The following KIF2A variants were observed in gnomAD, a reference collection of about 807,000 sequenced individuals.
KIF2A encodes kinesin-like protein KIF2A.
A neutral mutation model predicts 100.2 loss-of-function variants in KIF2A; 22 were observed. The ratio of observed to expected loss-of-function variants is 0.22; its 90% confidence interval spans 0.16 to 0.31. The LOEUF (loss-of-function observed/expected upper bound fraction) is 0.31. KIF2A is among the 10% of genes least tolerant of loss of function. The pLI is 1.00. For missense variants in KIF2A, 495 were observed against 898.7 expected (o/e 0.55, Z 5.74); for synonymous variants, 268 against 285.9 (o/e 0.94, Z 0.63).
chr5:62,344,134 A>G (rs1943555203), intron 1 of KIF2A, among the ~76,000 whole-genome samples: 1 of 152,084 alleles, frequency 6.6e-6, no homozygotes, highest in Admixed American at 6.6e-5. Context: ...TCATGAAGTC[A>G]AGAGATGGAG....
chr5:62,323,171 G>A (rs1191971501), intron 1 of KIF2A, among the ~76,000 whole-genome samples: 1 of 151,134 alleles, frequency 6.6e-6, no homozygotes, highest in Non-Finnish European at 1.5e-5. Flanking sequence ...CAGGATAATC[G>A]CTTGAACCCG....
chr5:62,306,331 C>G lies in KIF2A; in HGVS notation c.-142C>G. ...CTTCCCCACAGCTGCTCCTTGCGGCCCCGCTTGCGTTCACGCTGTCGCCCG... is the reference window on the plus strand; with the variant it reads ...CTTCCCCACAGCTGCTCCTTGCGGCGCCGCTTGCGTTCACGCTGTCGCCCG... On this transcript the variant is annotated 5_prime_UTR_variant, in exon 1 of 21. Coordinates refer to ENST00000407818, the MANE Select transcript of KIF2A (RefSeq NM_001098511.3). 3.0e-6 allele frequency: 2 copies of G among 675,552 alleles called. No individual in the cohort carries two copies. The highest frequency in any genetic ancestry group is 5.1e-6 in the Non-Finnish European group (2 of 389,056). The allele number at this position is 675,552 out of a possible 1,614,324, so 41.8% of individuals were successfully genotyped here.
At chr5:62,336,381 T>G (rs1746947380) in intron 1 of KIF2A, among the ~76,000 whole-genome samples, 1 of 152,224 alleles carries the variant, frequency 6.6e-6, no homozygotes. Flanking sequence ...AGTACAGTTA[T>G]GGTAGAAATA....
intron 14 of KIF2A, 50 bp from the exon 15 acceptor site, chr5:62,365,193 A>T: frequency 1.1e-6 from 1 of 905,582 alleles, no homozygotes; most frequent in Non-Finnish European, 1.7e-6. Flanking sequence ...AATTAAGATT[A>T]TCCTTTATAA....
At chr5:62,342,601 C>G (rs1747352008) in intron 1 of KIF2A, among the ~76,000 whole-genome samples, 1 of 152,150 alleles carries the variant, frequency 6.6e-6, no homozygotes, top group Non-Finnish European at 1.5e-5. Flanking sequence ...GGCAGTCTTG[C>G]TCTGAAGCAC....
intron 1 of KIF2A, among the ~76,000 whole-genome samples, chr5:62,332,734 A>C (rs1490313576): frequency 6.6e-6 from 1 of 152,198 alleles, no homozygotes. Flanking sequence ...TCAGAAATGT[A>C]ACTAACCACT....
intron 7 of KIF2A, 23 bp downstream of exon 7, chr5:62,355,277 A>G (rs762695316): frequency 8.4e-7 from 1 of 1,186,590 alleles, no homozygotes; most frequent in Non-Finnish European, 1.2e-6. Flanking sequence ...GTAAACCATT[A>G]TTCTGGAACT....
intron 1 of KIF2A, among the ~76,000 whole-genome samples, chr5:62,314,103 A>G (rs1455371867): frequency 6.6e-6 from 1 of 152,048 alleles, no homozygotes; most frequent in Non-Finnish European, 1.5e-5. Context: ...AATTTATTCA[A>G]TTTAAAGTTT....
chr5:62,347,974 C>A, intron 2 of KIF2A, 74 bp from the exon 3 acceptor site: 1 of 1,489,014 alleles, frequency 6.7e-7, no homozygotes, highest in Non-Finnish European at 9.2e-7. Flanking sequence ...TTTACTTCAT[C>A]AATTTACTTG....
chr5:62,306,497 A>G lies in KIF2A; in HGVS notation c.25A>G (p.Ile9Val), dbSNP rs1235554378. 6.5e-7 allele frequency: 1 copy of G among 1,546,310 alleles called. No individual in the cohort carries two copies. The highest frequency in any genetic ancestry group is 8.7e-7 in the Non-Finnish European group (1 of 1,145,064). MATANFGKIQIGIYVEIKR... is the reference protein window; with the variant it reads MATANFGKVQIGIYVEIKR... Reference sequence around the variant, plus strand: ...GATGGCAACGGCCAACTTCGGCAAGATCCAGATCGGGATTTACGTGGAGAT... The same window carrying G: ...GATGGCAACGGCCAACTTCGGCAAGGTCCAGATCGGGATTTACGTGGAGAT... Residue 9 changes from isoleucine (I) to valine (V), a missense_variant, in exon 1 of 21, where the codon ATC becomes GTC. Ile to Val is a conservative substitution (Grantham distance 29). This residue lies in a region of KIF2A where 26 missense variants were observed against 16.4 expected (regional missense o/e 1.59). Coordinates refer to ENST00000407818, the MANE Select transcript of KIF2A (RefSeq NM_001098511.3).
chr5:62,337,214 G>C (rs552212039), intron 1 of KIF2A, among the ~76,000 whole-genome samples: 2 of 152,218 alleles, frequency 1.3e-5, no homozygotes, highest in South Asian at 4.2e-4. Flanking sequence ...ATAACCAGCC[G>C]GGCACGGTGG....
chr5:62,307,229 C>A (rs1745347231), intron 1 of KIF2A: 1 of 152,080 alleles, frequency 6.6e-6, no homozygotes, highest in African/African-American at 2.4e-5. Flanking sequence ...GGTGATGAGA[C>A]TGTAAAGGGA....
intron 1 of KIF2A, among the ~76,000 whole-genome samples, chr5:62,331,187 G>A (rs1019185218): frequency 2.0e-5 from 3 of 152,066 alleles, no homozygotes; most frequent in Non-Finnish European, 2.9e-5. Context: ...CAAGGCAGGT[G>A]GATCACCTGA....
chr5:62,350,481 C>A lies in KIF2A; in HGVS notation c.334+361C>A, dbSNP rs1451758930. Among the ~76,000 whole-genome samples, 16 of 151,988 alleles carry A rather than the reference C, an allele frequency of 1.1e-4. No homozygotes were observed. The East Asian group carries it at 2.9e-3, about 28-fold the overall frequency. On this transcript the variant is annotated intron_variant, in intron 4 of 20. Coordinates refer to ENST00000407818, the MANE Select transcript of KIF2A (RefSeq NM_001098511.3). ...TTTAGTAGAGAGTCTTTCCATGTTG[C>A]CTGGGCTGGTCTTGAACTCCTGGGC...
At chr5:62,313,556 T>A (rs910368968) in intron 1 of KIF2A, among the ~76,000 whole-genome samples, 8 of 152,148 alleles carry the variant, frequency 5.3e-5, no homozygotes, top group South Asian at 2.1e-4. Flanking sequence ...GGTTTCACCA[T>A]GTTGGCCAGG....
chr5:62,322,153 C>T (rs1313853705), intron 1 of KIF2A, among the ~76,000 whole-genome samples: 2 of 152,076 alleles, frequency 1.3e-5, no homozygotes, highest in African/African-American at 4.8e-5. Context: ...GCTGGTCAGA[C>T]TCCTGGGCTC....
rs1745463744 is a variant in KIF2A at position 62,309,563 on chromosome 5, A to G, written c.64+3027A>G. Among the ~76,000 whole-genome samples, 4 of 152,326 alleles carry G rather than the reference A, an allele frequency of 2.6e-5. 1 individual carries two copies. The South Asian group carries it at 8.3e-4, about 32-fold the overall frequency. ...CTCACTTCCATAACGTCTATATTGG[A>G]TAAAACACTAGTGGTTATTATAACA... is the stretch of plus-strand genomic sequence containing the variant. On this transcript the variant is annotated intron_variant, in intron 1 of 20. Coordinates refer to ENST00000407818, the MANE Select transcript of KIF2A (RefSeq NM_001098511.3).
intron 19 of KIF2A, among the ~76,000 whole-genome samples, chr5:62,379,172 C>A (rs1310439421): frequency 6.6e-6 from 1 of 152,106 alleles, no homozygotes; most frequent in Non-Finnish European, 1.5e-5. Flanking sequence ...CCTATAAAGA[C>A]CATCATTTCC....
Position 62,308,682 on chromosome 5 carries a change from A to T in KIF2A, c.64+2146A>T, listed in dbSNP as rs1045012194. On this transcript the variant is annotated intron_variant, in intron 1 of 20. Transcript: ENST00000407818. The stretch of plus-strand genomic sequence containing the variant: ...ATGAGATAAGCCAGACACCAAGGAA[A>T]ATATTGCATAATCTCACTCATATGT... 2.6e-5 allele frequency among the ~76,000 whole-genome samples: 4 copies of T among 152,226 alleles called. No individual in the cohort carries two copies. The Middle Eastern group carries it at 9.5e-3, about 361-fold the overall frequency.
Sources: gnomAD v4.1 joint callset for allele counts (sites outside exome capture counted in the v4.1 genomes callset) on GRCh38, gnomAD v4.1.1 for gene constraint, gnomAD v4.1.1 regional missense constraint, MANE v1.5 for transcripts, NCBI Gene and HGNC (gene_info 2026-07-23, HGNC 2026-07-21) for gene names.